The following GOLGA6L2 variants were observed in gnomAD, a reference collection of about 807,000 sequenced individuals.
GOLGA6L2 encodes the protein golgin A6 family like 2.
GOLGA6L2 carries 30 observed loss-of-function variants against 35.9 expected under a neutral mutation model. That is an observed-to-expected ratio of 0.83 (90% CI 0.62 to 1.13). The LOEUF is 1.13. Ranked by LOEUF, GOLGA6L2 falls within the 50% of genes most tolerant of loss-of-function variation. The probability of loss-of-function intolerance (pLI) is 0.00; values close to 1 mark genes in which losing one functional copy is unlikely to be tolerated. For synonymous variants in GOLGA6L2, 297 were observed against 344.0 expected (o/e 0.86, Z 1.51); for missense variants, 821 against 973.4 (o/e 0.84, Z 2.08).
At chr15:23,444,308 C>A (rs558742534) in intron 3 of GOLGA6L2, 96 bp from the exon 4 acceptor site, 21 of 1,494,450 alleles carry the variant, frequency 1.4e-5, no homozygotes, top group Non-Finnish European at 1.8e-5. Flanking sequence ...CCAGGACAGG[C>A]GCACCCATGG....
chr15:23,439,404 G>A lies in GOLGA6L2; in HGVS notation c.*341C>T. 2 of 441,868 alleles carry A rather than the reference G, an allele frequency of 4.5e-6. No homozygotes were observed. Among genetic ancestry groups the A allele is most frequent in the South Asian group, 4.6e-5 (2 of 43,800 alleles). The allele number at this position is 441,868 out of a possible 1,614,324, so 27.4% of individuals were successfully genotyped here. The stretch of plus-strand genomic sequence containing the variant: ...TGCGGTTGTAGGTTTCGGCCACAAG[G>A]CCTGGCTAGTATTTTACCACAATTT... On this transcript the variant is annotated 3_prime_UTR_variant, in exon 8 of 8. Coordinates refer to ENST00000567107, the MANE Select transcript of GOLGA6L2 (RefSeq NM_001304388.2).
intron 5 of GOLGA6L2, among the ~76,000 whole-genome samples, chr15:23,442,875 G>A (rs1246656188): frequency 1.3e-5 from 2 of 152,102 alleles, no homozygotes; most frequent in African/African-American, 4.8e-5. Flanking sequence ...CTCAGTAAGG[G>A]TAGAAGGGAC....
At chr15:23,442,182 C>T in intron 6 of GOLGA6L2, 62 bp from the exon 7 acceptor site, 2 of 1,516,428 alleles carry the variant, frequency 1.3e-6, no homozygotes, top group Non-Finnish European at 1.8e-6. Flanking sequence ...CTTTGGTGAT[C>T]AACCCTCTAC....
Position 23,439,750 on chromosome 15 carries a change from A to G in GOLGA6L2, c.2725T>C (p.Leu909=). Residue 909 remains leucine (L), a synonymous_variant, in exon 8 of 8, where the codon TTG becomes CTG. Coordinates refer to ENST00000567107, the MANE Select transcript of GOLGA6L2 (RefSeq NM_001304388.2). Reference sequence around the variant, plus strand: ...CACTGCCAGTGTGGCTCATATTACAAAGAACTTTGGAGGGAGGGAGGCAGG... The same window carrying G: ...CACTGCCAGTGTGGCTCATATTACAGAGAACTTTGGAGGGAGGGAGGCAGG... ...RALPPSLQSS[L] 1 of 1,535,702 alleles carries G rather than the reference A, an allele frequency of 6.5e-7. No individual in the cohort carries two copies. The highest frequency in any genetic ancestry group is 8.7e-7 in the Non-Finnish European group (1 of 1,146,632).
In GOLGA6L2 at chr15:23,439,447, CTTTTTTTT is replaced by C; in HGVS notation, c.*290_*297del. 1 of 417,646 alleles carries C rather than the reference CTTTTTTTT, an allele frequency of 2.4e-6. No homozygotes were observed. The allele number at this position is 417,646 out of a possible 1,614,324, so 25.9% of individuals were successfully genotyped here. ...CACAATTTAAAGTAAATTTTCTTTT[CTTTTTTTT>C]TTTTTTTTTCAAGTTTGTGCTCAGA... On this transcript the variant is annotated 3_prime_UTR_variant, in exon 8 of 8. Transcript: ENST00000567107.
At chr15:23,444,415 C>T (rs574356967) in intron 3 of GOLGA6L2, 56 bp downstream of exon 3, 6 of 1,572,578 alleles carry the variant, frequency 3.8e-6, no homozygotes, top group Non-Finnish European at 5.2e-6. Flanking sequence ...CGGGCCTCTA[C>T]ATCTGAGTGC....
chr15:23,439,771 G>T lies in GOLGA6L2; in HGVS notation c.2704C>A (p.Pro902Thr). 2 of 1,534,984 alleles carry T rather than the reference G, an allele frequency of 1.3e-6. No individual in the cohort carries two copies. The highest frequency in any genetic ancestry group is 1.7e-6 in the Non-Finnish European group (2 of 1,146,520). Residue 902 changes from proline (P) to threonine (T), a missense_variant, in exon 8 of 8, where the codon CCT becomes ACT. This residue lies in a region of GOLGA6L2 where 48 missense variants were observed against 42.7 expected (regional missense o/e 1.12). Coordinates refer to ENST00000567107, the MANE Select transcript of GOLGA6L2 (RefSeq NM_001304388.2). ...RARGAVLRAL[P>T]PSLQSSL ...TACAAAGAACTTTGGAGGGAGGGAG[G>T]CAGGGCTCTGAGCACCGCTCCTCGT...
At chr15:23,441,734 T>C in intron 7 of GOLGA6L2, 52 bp from the exon 8 acceptor site, 1 of 1,433,042 alleles carries the variant, frequency 7.0e-7, no homozygotes, top group Non-Finnish European at 9.1e-7. Flanking sequence ...ATCTATAAAA[T>C]AACAGTTTTC....
At chr15:23,446,727 G>C (rs1886793605) in intron 1 of GOLGA6L2, among the ~76,000 whole-genome samples, 1 of 151,640 alleles carries the variant, frequency 6.6e-6, no homozygotes, top group South Asian at 2.1e-4. Flanking sequence ...AGCCCCAGGA[G>C]TCACCTGCCC....
chr15:23,439,539 A>C lies in GOLGA6L2; in HGVS notation c.*206T>G, dbSNP rs1470331860. On this transcript the variant is annotated 3_prime_UTR_variant, in exon 8 of 8. Coordinates refer to ENST00000567107, the MANE Select transcript of GOLGA6L2 (RefSeq NM_001304388.2). ...TCTGTAGGCCTTGTTGACAGTGCCA[A>C]CTTTTAGATATTGATGATCTTCATC... 1.3e-6 allele frequency: 2 copies of C among 1,524,686 alleles called. No individual in the cohort carries two copies. The highest frequency in any genetic ancestry group is 2.8e-5 in the African/African-American group (2 of 72,454). The allele number at this position is 1,524,686 out of a possible 1,614,324, so 94.4% of individuals were successfully genotyped here. A position where few individuals can be genotyped will look rare whatever the true frequency, so the allele number is the denominator to read the frequency against.
rs1270157068 is a variant in GOLGA6L2 at position 23,441,271 on chromosome 15, G to C, written c.1204C>G (p.Gln402Glu). 1.3e-6 allele frequency: 2 copies of C among 1,533,040 alleles called. No homozygotes were observed. Among genetic ancestry groups the C allele is most frequent in the Non-Finnish European group, 1.7e-6 (2 of 1,145,356 alleles). 95.0% of individuals were successfully genotyped at this position (1,533,040 alleles called of 1,614,324 possible). The change falls in exon 8 of 8, where the codon CAG (glutamine) becomes GAG (glutamate). Residue 402 changes from glutamine to glutamate, a missense_variant. Gln to Glu is a conservative substitution (Grantham distance 29). Coordinates refer to ENST00000567107, the MANE Select transcript of GOLGA6L2 (RefSeq NM_001304388.2). The part of the protein sequence containing the change: ...MRDQEERMWE[Q>E]DERLREKEER... ...TCCTTCTCCCGTAGCCTCTCGTCCT[G>C]CTCCCACATCCTCTCCTCTTGGTCC...
intron 1 of GOLGA6L2, 130 bp downstream of exon 1, chr15:23,446,968 G>T: frequency 1.8e-6 from 1 of 566,982 alleles, no homozygotes; most frequent in Non-Finnish European, 3.1e-6. Context: ...GATTGGGGGA[G>T]CCCAGCGGCA....
At position 23,447,242 on chromosome 15, in the gene GOLGA6L2, C is replaced by T. The variant is rs758764204; in HGVS notation, c.-61G>A. 8.8e-5 allele frequency: 86 copies of T among 980,298 alleles called. No individual in the cohort carries two copies. Among genetic ancestry groups the T allele is most frequent in the South Asian group, 4.4e-4 (34 of 77,756 alleles). The allele number at this position is 980,298 out of a possible 1,614,324, so 60.7% of individuals were successfully genotyped here. ...AGTCACGTACCACGCAGCTATGTGA[C>T]TGAGCCAGAGGAGGTGTAACCAGGG... is the stretch of plus-strand genomic sequence containing the variant. On this transcript the variant is annotated 5_prime_UTR_variant, in exon 1 of 8. Coordinates refer to ENST00000567107, the MANE Select transcript of GOLGA6L2 (RefSeq NM_001304388.2).
chr15:23,444,316 TG>T, intron 3 of GOLGA6L2, 104 bp from the exon 4 acceptor site: 1 of 1,483,270 alleles, frequency 6.7e-7, no homozygotes, highest in Non-Finnish European at 9.3e-7. Context: ...GGCGCACCCA[TG>T]GGACCAGGTT....
In GOLGA6L2 at chr15:23,441,931, T is replaced by A. The variant is rs1158917940; in HGVS notation, c.792+48A>T. The stretch of plus-strand genomic sequence containing the variant: ...ACCTTGCATGATCCCTAGACCATGG[T>A]CCTAGCTGGATGGGTCTCCCACAAC... On this transcript the variant is annotated intron_variant, in intron 7 of 7. Transcript: ENST00000567107. The A allele has an allele frequency of 2.6e-6, 4 of 1,530,714 alleles. No homozygotes were observed. The Admixed American group carries it at 8.0e-5, about 31-fold the overall frequency. The allele number at this position is 1,530,714 out of a possible 1,614,324, so 94.8% of individuals were successfully genotyped here.
chr15:23,445,050 C>A (rs1886749971), intron 2 of GOLGA6L2, among the ~76,000 whole-genome samples: 1 of 114,644 alleles, frequency 8.7e-6, no homozygotes, highest in African/African-American at 2.7e-5. Context: ...AACACAAAAA[C>A]AACAGCAACA....
intron 3 of GOLGA6L2, 22 bp downstream of exon 3, chr15:23,444,449 G>T (rs566257589): frequency 1.2e-6 from 2 of 1,600,286 alleles, no homozygotes; most frequent in Non-Finnish European, 8.5e-7. Flanking sequence ...CAGTCATGTC[G>T]TGAGCAAACA....
At position 23,441,180 on chromosome 15, in the gene GOLGA6L2, ATCTTCTTCTCCTCCCG is replaced by A. The variant is rs2070679369; in HGVS notation, c.1279_1294del (p.Arg427CysfsTer546). ...CCGCGTCTTCTTCTCCTGCTCCTGC[ATCTTCTTCTCCTCCCG>A]CATCTTCTCCACCTGCTCCCACATC... On this transcript the variant is annotated frameshift_variant, in exon 8 of 8. Transcript: ENST00000567107. LOFTEE classifies it low-confidence loss of function (END_TRUNC). 6.6e-7 allele frequency: 1 copy of A among 1,510,860 alleles called. No homozygotes were observed. Among genetic ancestry groups the A allele is most frequent in the African/African-American group, 1.6e-5 (1 of 61,344 alleles). 93.6% of individuals were successfully genotyped at this position (1,510,860 alleles called of 1,614,324 possible).
intron 5 of GOLGA6L2, among the ~76,000 whole-genome samples, chr15:23,442,753 C>T (rs1203229837): frequency 6.6e-6 from 1 of 151,936 alleles, no homozygotes; most frequent in Non-Finnish European, 1.5e-5. Context: ...CGCAATCTCG[C>T]CCCATGACAA....
Sources: gnomAD v4.1 joint callset for allele counts (sites outside exome capture counted in the v4.1 genomes callset) on GRCh38, gnomAD v4.1.1 for gene constraint, gnomAD v4.1.1 regional missense constraint, MANE v1.5 for transcripts, NCBI Gene and HGNC (gene_info 2026-07-23, HGNC 2026-07-21) for gene names.